KCNJ9: variants seen among roughly 807,000 people sequenced by gnomAD.
KCNJ9 encodes G protein-activated inward rectifier potassium channel 3.
KCNJ9 carries 18 observed loss-of-function variants against 27.9 expected under a neutral mutation model. The observed-to-expected ratio is 0.65, with a 90% CI of 0.45 to 0.96. The LOEUF (loss-of-function observed/expected upper bound fraction) is 0.96, where lower values mean the gene tolerates loss of function less well. KCNJ9 is among the 40% of genes least tolerant of loss of function. The pLI is 0.00. For synonymous variants in KCNJ9, 229 were observed against 248.2 expected, an observed-to-expected ratio of 0.92 and a Z score of 0.73; for missense variants, 324 against 557.5, an observed-to-expected ratio of 0.58 and a Z score of 4.22.
Position 160,081,541 on chromosome 1 carries a change from G to C in KCNJ9, c.-271G>C, listed in dbSNP as rs1174619380. 1 of 152,266 alleles carries C rather than the reference G, an allele frequency of 6.6e-6. No homozygotes were observed. Among genetic ancestry groups the C allele is most frequent in the East Asian group, 1.9e-4 (1 of 5,190 alleles). 9.4% of individuals were successfully genotyped at this position (152,266 alleles called of 1,614,324 possible). ...GAGCCTGGGAAGTAGGGATGACACA[G>C]ATAGCAAGTCCTAGTCAGAGCTGCC... On this transcript the variant is annotated 5_prime_UTR_variant, in exon 1 of 3. Coordinates refer to ENST00000368088, the MANE Select transcript of KCNJ9 (RefSeq NM_004983.3).
chr1:160,086,541 A>T (rs1649780573), intron 2 of KCNJ9, among the ~76,000 whole-genome samples: 1 of 152,238 alleles, frequency 6.6e-6, no homozygotes, highest in African/African-American at 2.4e-5. Flanking sequence ...CAGCAAGATG[A>T]CATTTAAAAT....
Position 160,084,205 on chromosome 1 carries a change from C to T in KCNJ9, c.175C>T (p.Leu59Phe). 6.2e-7 allele frequency: 1 copy of T among 1,612,474 alleles called. No homozygotes were observed. The highest frequency in any genetic ancestry group is 8.5e-7 in the Non-Finnish European group (1 of 1,179,410). ...CACGCTGGTGGACCTGCAGTGGCGC[C>T]TCAGCCTGTTGTTCTTCGTCCTGGC... ...FTTLVDLQWRLSLLFFVLAYA... is the reference protein window; with the variant it reads ...FTTLVDLQWRFSLLFFVLAYA... Residue 59 changes from leucine to phenylalanine, a missense_variant, in exon 2 of 3, where the codon CTC becomes TTC. Leu to Phe is a conservative substitution (Grantham distance 22). This residue lies in a region of KCNJ9 where 241 missense variants were observed against 481.7 expected (regional missense o/e 0.50). Transcript: ENST00000368088.
In KCNJ9 at chr1:160,083,907, C is replaced by A; in HGVS notation, c.-114-10C>A. 1.1e-6 allele frequency: 1 copy of A among 927,704 alleles called. No homozygotes were observed. Among genetic ancestry groups the A allele is most frequent in the Non-Finnish European group, 1.4e-6 (1 of 728,184 alleles). 57.5% of individuals were successfully genotyped at this position (927,704 alleles called of 1,614,324 possible). On this transcript the variant is annotated splice_polypyrimidine_tract_variant and intron_variant, in intron 1 of 2. Transcript: ENST00000368088. ...CCGAGGGGCCACTCATTCGGCAAAC[C>A]TTTATTAAGCCCCTCCAGGACCCCC...
rs771186258 is a variant in KCNJ9 at position 160,084,306 on chromosome 1, G to A, written c.276G>A (p.Leu92=). The A allele has an allele frequency of 2.0e-5, 32 of 1,613,392 alleles. No individual in the cohort carries two copies. In the African/African-American group the frequency reaches 2.0e-4, roughly 10 times the overall value. The change falls in exon 2 of 3, where the codon CTG becomes CTA. Residue 92 remains leucine, a synonymous_variant. Transcript: ENST00000368088. ...IAYGRGDLEH[L]EDTAWTPCVN... The stretch of plus-strand genomic sequence containing the variant: ...ACGGCCGCGGCGACCTGGAGCACCT[G>A]GAGGACACCGCGTGGACGCCGTGCG...
intron 2 of KCNJ9, among the ~76,000 whole-genome samples, chr1:160,085,704 AC>A (rs1296620430): frequency 6.6e-6 from 1 of 152,246 alleles, no homozygotes; most frequent in East Asian, 1.9e-4. Context: ...GACCAGTGTT[AC>A]AGGAGTCGCA....
In KCNJ9 at chr1:160,081,545, GC is replaced by G. The variant is rs1385451065; in HGVS notation, c.-266del. 2.6e-5 allele frequency: 4 copies of G among 152,210 alleles called. No individual in the cohort carries two copies. The highest frequency in any genetic ancestry group is 5.9e-5 in the Non-Finnish European group (4 of 68,042). 9.4% of individuals were successfully genotyped at this position (152,210 alleles called of 1,614,324 possible). On this transcript the variant is annotated 5_prime_UTR_variant, in exon 1 of 3. Transcript: ENST00000368088. ...CTGGGAAGTAGGGATGACACAGATA[GC>G]AAGTCCTAGTCAGAGCTGCCGCTAC...
In KCNJ9 at chr1:160,084,309, G is replaced by A. The variant is rs759444742; in HGVS notation, c.279G>A (p.Glu93=). 4 of 1,613,424 alleles carry A rather than the reference G, an allele frequency of 2.5e-6. No individual in the cohort carries two copies. The highest frequency in any genetic ancestry group is 2.5e-6 in the Non-Finnish European group (3 of 1,179,984). ...GCCGCGGCGACCTGGAGCACCTGGA[G>A]GACACCGCGTGGACGCCGTGCGTCA... ...AYGRGDLEHL[E]DTAWTPCVNN... The change falls in exon 2 of 3, where the codon GAG becomes GAA. Residue 93 remains glutamate, a synonymous_variant. Transcript: ENST00000368088.
In KCNJ9 at chr1:160,089,107, T is replaced by C. The variant is rs1400401030; in HGVS notation, c.*1290T>C. On this transcript the variant is annotated 3_prime_UTR_variant, in exon 3 of 3. Transcript: ENST00000368088. Reference sequence around the variant, plus strand: ...TTCCTAAGAAGTCCCCAGGTCATGCTGCTGTTGCTGGACTGAGGACCACAC... The same window carrying C: ...TTCCTAAGAAGTCCCCAGGTCATGCCGCTGTTGCTGGACTGAGGACCACAC... The C allele has an allele frequency of 6.6e-6, 1 of 152,262 alleles. No homozygotes were observed. The highest frequency in any genetic ancestry group is 1.5e-5 in the Non-Finnish European group (1 of 68,066). 9.4% of individuals were successfully genotyped at this position (152,262 alleles called of 1,614,324 possible).
Position 160,087,648 on chromosome 1 carries a change from T to G in KCNJ9, c.1013T>G (p.Leu338Arg), listed in dbSNP as rs1570947257. Residue 338 changes from leucine (L) to arginine (R), a missense_variant, in exon 3 of 3, where the codon CTG (leucine) becomes CGG (arginine). Around this residue, in one of 3 missense-constraint regions of KCNJ9, gnomAD observed 241 missense variants for 481.7 expected, o/e 0.50. Transcript: ENST00000368088. ...ACACCTTCGTGCAGTGCTCGAGAGCTGGCAGAGGCTGCCGCCCGCCTTGAT... is the reference window on the plus strand; with the variant it reads ...ACACCTTCGTGCAGTGCTCGAGAGCGGGCAGAGGCTGCCGCCCGCCTTGAT... ...VPTPSCSARELAEAAARLDAH... is the reference protein window; with the variant it reads ...VPTPSCSARERAEAAARLDAH... The G allele has an allele frequency of 6.2e-7, 1 of 1,604,528 alleles. No individual in the cohort carries two copies. Among genetic ancestry groups the G allele is most frequent in the Non-Finnish European group, 8.5e-7 (1 of 1,175,504 alleles).
Position 160,087,649 on chromosome 1 carries a change from G to T in KCNJ9, c.1014G>T (p.Leu338=). 6.2e-7 allele frequency: 1 copy of T among 1,611,356 alleles called. No individual in the cohort carries two copies. The highest frequency in any genetic ancestry group is 8.5e-7 in the Non-Finnish European group (1 of 1,178,626). ...VPTPSCSARE[L]AEAAARLDAH... is the part of the protein sequence containing the mutation. Reference sequence around the variant, plus strand: ...CACCTTCGTGCAGTGCTCGAGAGCTGGCAGAGGCTGCCGCCCGCCTTGATG... The same window carrying T: ...CACCTTCGTGCAGTGCTCGAGAGCTTGCAGAGGCTGCCGCCCGCCTTGATG... Residue 338 remains leucine (L), a synonymous_variant, in exon 3 of 3, where the codon CTG becomes CTT. Transcript: ENST00000368088.
Position 160,087,928 on chromosome 1 carries a change from G to A in KCNJ9, c.*111G>A. The A allele has an allele frequency of 9.0e-7, 1 of 1,115,750 alleles. No homozygotes were observed. Among genetic ancestry groups the A allele is most frequent in the Non-Finnish European group, 1.2e-6 (1 of 846,252 alleles). The allele number at this position is 1,115,750 out of a possible 1,614,324, so 69.1% of individuals were successfully genotyped here. The stretch of plus-strand genomic sequence containing the variant: ...GAGGAGGAGGAAGGCAAAGCCCCTG[G>A]AAATGTGCTAAAGTTGGAAAGTCCC... On this transcript the variant is annotated 3_prime_UTR_variant, in exon 3 of 3. Transcript: ENST00000368088.
chr1:160,084,861 G>T lies in KCNJ9; in HGVS notation c.831G>T (p.Glu277Asp). The T allele has an allele frequency of 1.3e-6, 2 of 1,532,814 alleles. No individual in the cohort carries two copies. The highest frequency in any genetic ancestry group is 1.2e-5 in the South Asian group (1 of 83,648). The allele number at this position is 1,532,814 out of a possible 1,614,324, so 95.0% of individuals were successfully genotyped here. Residue 277 changes from glutamate to aspartate, a missense_variant, in exon 2 of 3, where the codon GAG becomes GAT. This residue lies in a region of KCNJ9 where 241 missense variants were observed against 481.7 expected (regional missense o/e 0.50). Transcript: ENST00000368088. ...ACTTCGAGATCGTCGTTATCCTCGA[G>T]GGCATGGTGGAAGCCACGGGTGCGA... ...RDDFEIVVILEGMVEATGMTC... is the reference protein window; with the variant it reads ...RDDFEIVVILDGMVEATGMTC...
Position 160,084,695 on chromosome 1 carries a change from C to A in KCNJ9, c.665C>A (p.Pro222Gln), listed in dbSNP as rs758146605. ...CAGACGCTGGAGGGCGAGTTCATCC[C>A]GCTGCACCAGACCGACCTCAGCGTG... ...SRQTLEGEFI[P>Q]LHQTDLSVGF... is the part of the protein sequence containing the mutation. Residue 222 changes from proline (P) to glutamine (Q), a missense_variant, in exon 2 of 3, where the codon CCG (proline) becomes CAG (glutamine). Pro to Gln is a moderately conservative substitution (Grantham distance 76). Around this residue, in one of 3 missense-constraint regions of KCNJ9, gnomAD observed 241 missense variants for 481.7 expected, o/e 0.50. Coordinates refer to ENST00000368088, the MANE Select transcript of KCNJ9 (RefSeq NM_004983.3). The A allele has an allele frequency of 1.3e-6, 2 of 1,592,584 alleles. No individual in the cohort carries two copies. The highest frequency in any genetic ancestry group is 4.6e-5 in the East Asian group (2 of 43,770).
chr1:160,082,400 C>G (rs542609483), intron 1 of KCNJ9, among the ~76,000 whole-genome samples: 1 of 152,220 alleles, frequency 6.6e-6, no homozygotes, highest in Non-Finnish European at 1.5e-5. Flanking sequence ...CTCTTGGACC[C>G]TGTGTCCCCT....
intron 2 of KCNJ9, 65 bp from the exon 3 acceptor site, chr1:160,087,421 G>A: frequency 6.5e-7 from 1 of 1,530,336 alleles, no homozygotes; most frequent in South Asian, 1.3e-5. Context: ...GTAGGGTTGT[G>A]GAATGAGAAG....
rs565837750 is a variant in KCNJ9, at chr1:160,089,896, A to G, written c.*2079A>G. On this transcript the variant is annotated 3_prime_UTR_variant, in exon 3 of 3. Transcript: ENST00000368088. ...GCCCTTTCATAAGCCCCCTGGGGAA[A>G]GCACTCCAGTCTTCTCTGTTCCAGG... is the stretch of plus-strand genomic sequence containing the variant. 18 of 152,764 alleles carry G rather than the reference A, an allele frequency of 1.2e-4. No homozygotes were observed. The highest frequency in any genetic ancestry group is 4.1e-4 in the African/African-American group (17 of 41,574). The allele number at this position is 152,764 out of a possible 1,614,324, so 9.5% of individuals were successfully genotyped here. A position where few individuals can be genotyped will look rare whatever the true frequency, so the allele number is the denominator to read the frequency against.
chr1:160,087,847 CG>C lies in KCNJ9; in HGVS notation c.*35del. On this transcript the variant is annotated 3_prime_UTR_variant, in exon 3 of 3. Coordinates refer to ENST00000368088, the MANE Select transcript of KCNJ9 (RefSeq NM_004983.3). ...CTTCCTCCAGACCCCTGTGGCAGAC[CG>C]GGGGCCAGACACAGATACATGGGGA... The C allele has an allele frequency of 2.1e-6, 3 of 1,422,628 alleles. No individual in the cohort carries two copies. The highest frequency in any genetic ancestry group is 9.2e-7 in the Non-Finnish European group (1 of 1,087,920). 88.1% of individuals were successfully genotyped at this position (1,422,628 alleles called of 1,614,324 possible).
Position 160,087,543 on chromosome 1 carries a change from G to A in KCNJ9, c.908G>A (p.Arg303His), listed in dbSNP as rs1649799774. Residue 303 changes from arginine (R) to histidine (H), a missense_variant, in exon 3 of 3, where the codon CGC becomes CAC. By Grantham distance (29) the Arg-to-His change is conservative. This residue lies in a region of KCNJ9 where 241 missense variants were observed against 481.7 expected (regional missense o/e 0.50). Transcript: ENST00000368088. Reference sequence around the variant, plus strand: ...GTAGACGAGGTGCTGTGGGGCCACCGCTTCACGTCAGTGCTGACTCTGGAG... The same window carrying A: ...GTAGACGAGGTGCTGTGGGGCCACCACTTCACGTCAGTGCTGACTCTGGAG... ...YLVDEVLWGH[R>H]FTSVLTLEDG... is the part of the protein sequence containing the mutation. 2 of 1,613,382 alleles carry A rather than the reference G, an allele frequency of 1.2e-6. No homozygotes were observed. The highest frequency in any genetic ancestry group is 1.7e-6 in the Non-Finnish European group (2 of 1,179,572).
Position 160,087,716 on chromosome 1 carries a change from G to T in KCNJ9, c.1081G>T (p.Val361Leu). The change falls in exon 3 of 3, where the codon GTG becomes TTG. Residue 361 changes from valine to leucine, a missense_variant. This residue lies in a region of KCNJ9 where 51 missense variants were observed against 44.1 expected (regional missense o/e 1.16). Coordinates refer to ENST00000368088, the MANE Select transcript of KCNJ9 (RefSeq NM_004983.3). ...CATCCCCAGCCGGCTGGATGAGAAG[G>T]TGGAGGAGGAGGGGGCGGGGGAGGG... is the stretch of plus-strand genomic sequence containing the variant. The part of the protein sequence containing the change: ...WSIPSRLDEK[V>L]EEEGAGEGAG... 1.5e-6 allele frequency: 2 copies of T among 1,314,720 alleles called. No homozygotes were observed. The highest frequency in any genetic ancestry group is 2.0e-6 in the Non-Finnish European group (2 of 983,654). 81.4% of individuals were successfully genotyped at this position (1,314,720 alleles called of 1,614,324 possible).
Sources: gnomAD v4.1 joint callset for allele counts (sites outside exome capture counted in the v4.1 genomes callset) on GRCh38, gnomAD v4.1.1 for gene constraint, gnomAD v4.1.1 regional missense constraint, MANE v1.5 for transcripts, NCBI Gene and HGNC (gene_info 2026-07-23, HGNC 2026-07-21) for gene names.